Variants in CFAP77 observed in about 807,000 individuals in gnomAD.
CFAP77 encodes cilia- and flagella-associated protein 77.
Under a neutral mutation model 31.1 loss-of-function variants are expected in CFAP77, and 25 were observed. The ratio of observed to expected loss-of-function variants is 0.80; its 90% CI spans 0.59 to 1.12. CFAP77 has a LOEUF of 1.12. CFAP77 is among the 50% of genes most tolerant of loss of function. CFAP77 has a pLI of 0.00. For synonymous variants in CFAP77, 151 were observed against 159.9 expected (o/e 0.94, Z 0.42); for missense variants, 377 against 397.3 (o/e 0.95, Z 0.44).
chr9:132,534,267 T>C (rs114112537), intron 3 of CFAP77, among the ~76,000 whole-genome samples: 2,787 of 152,200 alleles, frequency 0.018, 94 homozygotes, highest in African/African-American at 0.064. Flanking sequence ...ACACTGATTT[T>C]CCCACTAATT....
chr9:132,565,009 G>A lies in CFAP77; in HGVS notation c.733-7379G>A, dbSNP rs114716073. Among the ~76,000 whole-genome samples, 653 of 152,124 alleles carry A rather than the reference G, an allele frequency of 4.3e-3. 3 individuals are homozygous for A. The highest frequency in any genetic ancestry group is 0.034 in the Middle Eastern group (10 of 294). On this transcript the variant is annotated intron_variant, in intron 5 of 5. Transcript: ENST00000393216. The surrounding 1 kb of genome is among the most constrained non-coding windows in gnomAD (Gnocchi z 4.1). Reference sequence around the variant, plus strand: ...TCTGTAGTATGGGAGAGTTAGATTCGATATCACTAAGGTCTCTTCCAAACC... The same window carrying A: ...TCTGTAGTATGGGAGAGTTAGATTCAATATCACTAAGGTCTCTTCCAAACC...
chr9:132,428,000 C>CTTT lies in CFAP77; in HGVS notation c.195+17546_195+17548dup, dbSNP rs796779511. Among the ~76,000 whole-genome samples the CTTT allele has an allele frequency of 1.7e-4, 24 of 142,972 alleles. 1 individual carries two copies. The highest frequency in any genetic ancestry group is 5.6e-4 in the African/African-American group (22 of 39,150). 93.8% of individuals were successfully genotyped at this position (142,972 alleles called of 152,430 possible). ...AAGTTTGTTGAGCATTAGATTCTTT[C>CTTT]TTTTTTTTTTTTTTCTGAGACAGGG... On this transcript the variant is annotated intron_variant, in intron 1 of 5. Transcript: ENST00000393216.
intron 1 of CFAP77, among the ~76,000 whole-genome samples, chr9:132,418,441 C>G (rs781476489): frequency 6.6e-6 from 1 of 152,200 alleles, no homozygotes; most frequent in South Asian, 2.1e-4. Context: ...ATCCTTCACC[C>G]GTGGTTCATG....
Position 132,539,041 on chromosome 9 carries a change from C to G in CFAP77, c.630+1335C>G. 6.7e-6 allele frequency among the ~76,000 whole-genome samples: 1 copy of G among 150,116 alleles called. No individual in the cohort carries two copies. The highest frequency in any genetic ancestry group is 2.0e-4 in the East Asian group (1 of 5,066). ...GGTGGAGGTTGCAGTGAGCCAAGAT[C>G]GTGCCACTGCACTCCAGCCTGGGCA... On this transcript the variant is annotated intron_variant, in intron 4 of 5. Coordinates refer to ENST00000393216, the MANE Select transcript of CFAP77 (RefSeq NM_001282957.2). This position sits in a 1 kb window ranked among gnomAD's most constrained non-coding sequence, Gnocchi z 4.3.
intron 3 of CFAP77, among the ~76,000 whole-genome samples, chr9:132,514,219 C>T (rs1852103014): frequency 6.6e-6 from 1 of 150,526 alleles, no homozygotes; most frequent in Admixed American, 6.6e-5. Flanking sequence ...GAGGGGACGC[C>T]CCCTTCCCTG....
rs563303777 is a variant in CFAP77 at position 132,511,456 on chromosome 9, G to A, written c.524+11856G>A. The stretch of plus-strand genomic sequence containing the variant: ...TCTCCCCCACCAGACTCAGTGGGGC[G>A]GGCCTGGTGTTGCCCACTCCTCCTT... On this transcript the variant is annotated intron_variant, in intron 3 of 5. Transcript: ENST00000393216. The surrounding 1 kb of genome is among the most constrained non-coding windows in gnomAD (Gnocchi z 5.8). Among the ~76,000 whole-genome samples the A allele has an allele frequency of 2.0e-4, 31 of 152,346 alleles. No individual in the cohort carries two copies. Among genetic ancestry groups the A allele is most frequent in the African/African-American group, 6.5e-4 (27 of 41,594 alleles).
At position 132,495,887 on chromosome 9, in the gene CFAP77, A is replaced by G. The variant is rs1245597382; in HGVS notation, c.196-2808A>G. 6.6e-6 allele frequency among the ~76,000 whole-genome samples: 1 copy of G among 152,208 alleles called. No individual in the cohort carries two copies. The highest frequency in any genetic ancestry group is 1.5e-5 in the Non-Finnish European group (1 of 68,030). ...GAAGGCGGCCATCTGCAAACCAAGA[A>G]GAGAGCCCTCACCAAGACACTGGGT... On this transcript the variant is annotated intron_variant, in intron 1 of 5. Coordinates refer to ENST00000393216, the MANE Select transcript of CFAP77 (RefSeq NM_001282957.2). The surrounding 1 kb of genome is among the most constrained non-coding windows in gnomAD (Gnocchi z 4.2).
chr9:132,417,871 C>T (rs1198610982), intron 1 of CFAP77, among the ~76,000 whole-genome samples: 1 of 111,730 alleles, frequency 9.0e-6, no homozygotes, highest in Non-Finnish European at 1.8e-5. Context: ...CAAATCCACC[C>T]AAGTGCTTAC....
At chr9:132,555,230 T>C (rs1240093729) in intron 5 of CFAP77, among the ~76,000 whole-genome samples, 1 of 152,138 alleles carries the variant, frequency 6.6e-6, no homozygotes, top group Non-Finnish European at 1.5e-5. Flanking sequence ...CACAGAAAGG[T>C]TCTGCTCCTT....
chr9:132,441,793 C>T (rs868379345), intron 1 of CFAP77, among the ~76,000 whole-genome samples: 11 of 152,218 alleles, frequency 7.2e-5, no homozygotes, highest in Admixed American at 3.3e-4. Flanking sequence ...GGGTCAGGCA[C>T]GCCTGAGCTC....
intron 1 of CFAP77, among the ~76,000 whole-genome samples, chr9:132,476,931 C>T (rs985164028): frequency 3.3e-5 from 5 of 152,312 alleles, no homozygotes; most frequent in African/African-American, 7.2e-5. Context: ...CGATTTGCTG[C>T]AGCAGCCACA....
intron 3 of CFAP77, among the ~76,000 whole-genome samples, chr9:132,509,566 C>T (rs1299820723): frequency 2.0e-5 from 3 of 152,152 alleles, no homozygotes; most frequent in African/African-American, 4.8e-5. Context: ...GTCAGGAGTT[C>T]GAGACCAGCC....
intron 1 of CFAP77, among the ~76,000 whole-genome samples, chr9:132,451,461 T>A (rs1383747282): frequency 1.3e-5 from 2 of 152,146 alleles, no homozygotes; most frequent in Non-Finnish European, 2.9e-5. Context: ...GCCCATGACA[T>A]TCAATGATTC....
intron 1 of CFAP77, among the ~76,000 whole-genome samples, chr9:132,474,273 C>T (rs941309004): frequency 3.3e-5 from 5 of 152,094 alleles, no homozygotes; most frequent in African/African-American, 1.2e-4. Context: ...TTTTCCAAGC[C>T]TCTGTTCTGT....
intron 1 of CFAP77, among the ~76,000 whole-genome samples, chr9:132,439,693 AC>A (rs1299649183): frequency 3.3e-5 from 5 of 151,920 alleles, no homozygotes; most frequent in Admixed American, 2.6e-4. Context: ...AAAAAATACA[AC>A]AAAAATTAGC....
At chr9:132,450,646 C>A (rs1850809374) in intron 1 of CFAP77, among the ~76,000 whole-genome samples, 1 of 152,160 alleles carries the variant, frequency 6.6e-6, no homozygotes, top group Admixed American at 6.5e-5. Flanking sequence ...CCTAGACAGG[C>A]CATGAGCTTA....
intron 1 of CFAP77, chr9:132,482,435 T>C (rs1564221201): frequency 6.3e-7 from 1 of 1,589,674 alleles, no homozygotes; most frequent in African/African-American, 1.3e-5. Flanking sequence ...TTCCTTCTGC[T>C]AAAATAATGT....
intron 3 of CFAP77, among the ~76,000 whole-genome samples, chr9:132,533,198 C>T (rs1336774765): frequency 6.6e-6 from 1 of 152,176 alleles, no homozygotes; most frequent in African/African-American, 2.4e-5. Flanking sequence ...GTTTGAGAAA[C>T]GCTGCTCAAA....
rs1336189995 is a variant in CFAP77, at chr9:132,482,248, G to C, written c.196-16447G>C. On this transcript the variant is annotated intron_variant, in intron 1 of 5. Coordinates refer to ENST00000393216, the MANE Select transcript of CFAP77 (RefSeq NM_001282957.2). ...AAATCTGCTCACTCAGGGTCTGCTG[G>C]CTGTGACCCTTGACAGCTAAACTGA... 3 of 1,087,514 alleles carry C rather than the reference G, an allele frequency of 2.8e-6. No homozygotes were observed. In the South Asian group the frequency reaches 4.1e-5, roughly 15 times the overall value. 67.4% of individuals were successfully genotyped at this position (1,087,514 alleles called of 1,614,324 possible).
Sources: gnomAD v4.1 joint callset for allele counts (sites outside exome capture counted in the v4.1 genomes callset) on GRCh38, gnomAD v4.1.1 for gene constraint, Gnocchi (gnomAD v3.1) non-coding constraint, MANE v1.5 for transcripts, NCBI Gene and HGNC (gene_info 2026-07-23, HGNC 2026-07-21) for gene names.